The following DNAH9 variants were observed in gnomAD, a reference collection of about 807,000 sequenced individuals.
DNAH9 encodes dynein axonemal heavy chain 9.
A neutral mutation model predicts 471.6 loss-of-function variants in DNAH9; 345 were observed. The observed-to-expected ratio is 0.73, with a 90% CI of 0.67 to 0.80. The LOEUF is 0.80. Ranked by LOEUF, DNAH9 falls within the 30% of genes least tolerant of loss-of-function variation. The pLI is 0.00. For synonymous variants in DNAH9, 2,093 were observed against 2,123.6 expected (o/e 0.99, Z 0.40); for missense variants, 5,407 against 5,609.2 (o/e 0.96, Z 1.15).
rs560893465 is a variant in DNAH9, at chr17:11,637,044, C to G, written c.1786+260C>G. 4.1e-4 allele frequency among the ~76,000 whole-genome samples: 62 copies of G among 152,146 alleles called. 1 individual carries two copies. The highest frequency in any genetic ancestry group is 2.1e-4 in the Non-Finnish European group (14 of 68,032). ...CTTCACTGCTTCTGTTCAGCTGAGA[C>G]CTTGGCATTATGGATGAGTTGACCC... is the stretch of plus-strand genomic sequence containing the variant. On this transcript the variant is annotated intron_variant, in intron 9 of 68. Coordinates refer to ENST00000262442, the MANE Select transcript of DNAH9 (RefSeq NM_001372.4).
In DNAH9 at chr17:11,966,949, T is replaced by C. The variant is rs182452471; in HGVS notation, c.13234-2351T>C. 9.1e-3 allele frequency among the ~76,000 whole-genome samples: 1,345 copies of C among 147,172 alleles called. 24 individuals are homozygous for C. Among genetic ancestry groups the C allele is most frequent in the African/African-American group, 0.032 (1,292 of 39,816 alleles). ...ACTGGGGAGGCTAAGGCAGGAGAAT[T>C]GCTTGAACCCAGGAGGCAGAGGTTG... is the stretch of plus-strand genomic sequence containing the variant. On this transcript the variant is annotated intron_variant, in intron 68 of 68. Transcript: ENST00000262442.
chr17:11,967,806 T>C (rs376646788), intron 68 of DNAH9, among the ~76,000 whole-genome samples: 5 of 152,136 alleles, frequency 3.3e-5, no homozygotes, highest in African/African-American at 1.2e-4. Flanking sequence ...GGCTATACTG[T>C]ATCAGACAAA....
intron 19 of DNAH9, among the ~76,000 whole-genome samples, chr17:11,688,419 G>A (rs1302121681): frequency 6.6e-6 from 1 of 152,210 alleles, no homozygotes; most frequent in East Asian, 1.9e-4. Flanking sequence ...AGGAACTCAT[G>A]AAGATGAGGA....
At chr17:11,772,312 T>C (rs1968240496) in intron 38 of DNAH9, among the ~76,000 whole-genome samples, 1 of 152,142 alleles carries the variant, frequency 6.6e-6, no homozygotes, top group Admixed American at 6.5e-5. Context: ...AGTGGTTTTA[T>C]AATATTTTTA....
Position 11,693,895 on chromosome 17 carries a change from A to G in DNAH9, c.4642A>G (p.Ile1548Val), listed in dbSNP as rs765711458. 6.2e-7 allele frequency: 1 copy of G among 1,614,132 alleles called. No individual in the cohort carries two copies. The highest frequency in any genetic ancestry group is 1.1e-5 in the South Asian group (1 of 91,080). Residue 1548 changes from isoleucine to valine, a missense_variant, in exon 21 of 69, where the codon ATT (isoleucine) becomes GTT (valine). By Grantham distance (29) the Ile-to-Val change is conservative. Transcript: ENST00000262442. ...TTCTAAAAGGTTTGAAGGCATCGAC[A>G]TTGACTTTAAAGAGCTAGCTTATGA... ...QDSKRFEGID[I>V]DFKELAYDAQ...
At chr17:11,967,004 C>G (rs1976782442) in intron 68 of DNAH9, among the ~76,000 whole-genome samples, 1 of 134,458 alleles carries the variant, frequency 7.4e-6, no homozygotes, top group Admixed American at 8.4e-5. Context: ...CATTGCACTC[C>G]AGCCTGGGCA....
At chr17:11,816,863 T>C (rs1398721417) in intron 45 of DNAH9, among the ~76,000 whole-genome samples, 1 of 152,220 alleles carries the variant, frequency 6.6e-6, no homozygotes, top group East Asian at 1.9e-4. Flanking sequence ...ACAAATAGTG[T>C]TTCCCAACTT....
intron 17 of DNAH9, among the ~76,000 whole-genome samples, chr17:11,676,070 G>A (rs2074044255): frequency 6.6e-6 from 1 of 151,990 alleles, no homozygotes; most frequent in African/African-American, 2.4e-5. Context: ...TTCTTTGTAA[G>A]AAGATTTTAG....
chr17:11,720,854 T>C (rs919326636), intron 27 of DNAH9, among the ~76,000 whole-genome samples: 11 of 152,200 alleles, frequency 7.2e-5, no homozygotes, highest in Non-Finnish European at 1.6e-4. Context: ...CAGTTGCTTT[T>C]ATTGATGAAC....
chr17:11,692,465 A>G (rs113880673), intron 20 of DNAH9, among the ~76,000 whole-genome samples: 5 of 152,286 alleles, frequency 3.3e-5, no homozygotes, highest in African/African-American at 7.2e-5. Context: ...AATGTTGACA[A>G]CGGATTACTT....
chr17:11,755,197 CA>C (rs1967326373), intron 33 of DNAH9, among the ~76,000 whole-genome samples: 1 of 152,166 alleles, frequency 6.6e-6, no homozygotes, highest in East Asian at 1.9e-4. Context: ...GTTTTTGTAC[CA>C]GTACCATGCT....
At chr17:11,714,182 T>C (rs918957026) in intron 26 of DNAH9, among the ~76,000 whole-genome samples, 1 of 152,220 alleles carries the variant, frequency 6.6e-6, no homozygotes, top group Non-Finnish European at 1.5e-5. Flanking sequence ...ATTTCTCACG[T>C]TGAGCTTGAA....
rs1288782912 is a variant in DNAH9 at position 11,930,017 on chromosome 17, A to T, written c.12029A>T (p.Asn4010Ile). Residue 4010 changes from asparagine (N) to isoleucine (I), a missense_variant, in exon 63 of 69, where the codon AAC (asparagine) becomes ATC (isoleucine). By Grantham distance (149) the Asn-to-Ile change is moderately radical. Transcript: ENST00000262442. ...GHIIPQGILENSIKITNEPPT... is the reference protein window; with the variant it reads ...GHIIPQGILEISIKITNEPPT... ...ATCATCCCCCAGGGCATCCTGGAGA[A>T]CTCCATTAAGATCACCAATGAGCCC... 24 of 1,613,762 alleles carry T rather than the reference A, an allele frequency of 1.5e-5. No homozygotes were observed. The highest frequency in any genetic ancestry group is 1.9e-5 in the Non-Finnish European group (23 of 1,179,958).
intron 61 of DNAH9, 59 bp from the exon 62 acceptor site, chr17:11,923,755 C>T (rs1974219051): frequency 1.4e-5 from 23 of 1,597,178 alleles, no homozygotes; most frequent in Non-Finnish European, 1.7e-5. Context: ...TCCTTATGAA[C>T]ATCAAACATC....
At position 11,657,552 on chromosome 17, in the gene DNAH9, A is replaced by T. The variant is rs192017918; in HGVS notation, c.2595+4550A>T. On this transcript the variant is annotated intron_variant, in intron 14 of 68. Coordinates refer to ENST00000262442, the MANE Select transcript of DNAH9 (RefSeq NM_001372.4). ...TGATGAGAAATAGTTTTAAATTTTC[A>T]TGTTGTGTGATTTCCCTTTTCTCCT... 6.0e-4 allele frequency among the ~76,000 whole-genome samples: 92 copies of T among 152,130 alleles called. 1 individual carries two copies. Among genetic ancestry groups the T allele is most frequent in the African/African-American group, 2.2e-3 (90 of 41,546 alleles).
At chr17:11,718,847 T>TG (rs987916491) in intron 26 of DNAH9, among the ~76,000 whole-genome samples, 2 of 152,022 alleles carry the variant, frequency 1.3e-5, no homozygotes, top group Non-Finnish European at 2.9e-5. Context: ...ACCCCAGTGT[T>TG]GGGGGATCCA....
In DNAH9 at chr17:11,937,662, C is replaced by T; in HGVS notation, c.12660+140C>T. 2.2e-6 allele frequency: 2 copies of T among 917,766 alleles called. No individual in the cohort carries two copies. The highest frequency in any genetic ancestry group is 3.4e-5 in the South Asian group (1 of 29,814). The allele number at this position is 917,766 out of a possible 1,614,324, so 56.9% of individuals were successfully genotyped here. A position where few individuals can be genotyped will look rare whatever the true frequency, so the allele number is the denominator to read the frequency against. On this transcript the variant is annotated intron_variant, in intron 66 of 68. Coordinates refer to ENST00000262442, the MANE Select transcript of DNAH9 (RefSeq NM_001372.4). The surrounding 1 kb of genome is among the most constrained non-coding windows in gnomAD (Gnocchi z 4.1). ...ACCAACCACCTGCAGCCTGGAGATG[C>T]TTGCCTGTCACCGCCAAGAGCCTCT...
At chr17:11,664,290 TGAGA>T (rs147301920) in intron 14 of DNAH9, among the ~76,000 whole-genome samples, 58 of 129,752 alleles carry the variant, frequency 4.5e-4, no homozygotes, top group African/African-American at 1.6e-3. Flanking sequence ...AGAGAGAGAG[TGAGA>T]GAGAGAGAGA....
In DNAH9 at chr17:11,643,044, A is replaced by G. The variant is rs182312492; in HGVS notation, c.1902-1587A>G. Among the ~76,000 whole-genome samples the G allele has an allele frequency of 1.9e-4, 29 of 152,386 alleles. No individual in the cohort carries two copies. The South Asian group carries it at 2.1e-3, about 11-fold the overall frequency. On this transcript the variant is annotated intron_variant, in intron 10 of 68. Coordinates refer to ENST00000262442, the MANE Select transcript of DNAH9 (RefSeq NM_001372.4). Reference sequence around the variant, plus strand: ...AGGAATCTCTGCAGTAAGCTGCCTCATTTTGCCAGCAGGTCAAATAGAAAC... The same window carrying G: ...AGGAATCTCTGCAGTAAGCTGCCTCGTTTTGCCAGCAGGTCAAATAGAAAC...
Sources: gnomAD v4.1 joint callset for allele counts (sites outside exome capture counted in the v4.1 genomes callset) on GRCh38, gnomAD v4.1.1 for gene constraint, Gnocchi (gnomAD v3.1) non-coding constraint, MANE v1.5 for transcripts, NCBI Gene and HGNC (gene_info 2026-07-23, HGNC 2026-07-21) for gene names.